The following KMT2D variants were observed in gnomAD, a reference collection of about 807,000 sequenced individuals.
KMT2D encodes histone-lysine N-methyltransferase 2D.
A neutral mutation model predicts 512.7 loss-of-function variants in KMT2D; 55 were observed. The observed-to-expected ratio is 0.11, with a 90% confidence interval of 0.09 to 0.13. The LOEUF is 0.13. KMT2D is among the 10% of genes least tolerant of loss of function. The pLI is 1.00. For synonymous variants in KMT2D, 2,995 were observed against 2,904.0 expected, an observed-to-expected ratio of 1.03 and a Z score of -1.01; for missense variants, 6,061 against 7,127.9, an observed-to-expected ratio of 0.85 and a Z score of 5.39.
chr12:49,044,800 C>T lies in KMT2D; in HGVS notation c.4907G>A (p.Gly1636Asp), dbSNP rs2120587797. 1.2e-6 allele frequency: 2 copies of T among 1,614,056 alleles called. No homozygotes were observed. Among genetic ancestry groups the T allele is most frequent in the Non-Finnish European group, 1.7e-6 (2 of 1,179,896 alleles). ...LEGSEPSDAL[G>D]PDDKKDGDLD... ...GTCCCCATCCTTCTTGTCATCAGGGCCAAGGGCATCTGAGGGCTCAGAACC... is the reference window on the plus strand; with the variant it reads ...GTCCCCATCCTTCTTGTCATCAGGGTCAAGGGCATCTGAGGGCTCAGAACC... Residue 1636 changes from glycine to aspartate, a missense_variant, in exon 20 of 55, where the codon GGC (glycine) becomes GAC (aspartate). Coordinates refer to ENST00000301067, the MANE Select transcript of KMT2D (RefSeq NM_003482.4). This position sits in a 1 kb window ranked among gnomAD's most constrained non-coding sequence, Gnocchi z 6.4.
intron 13 of KMT2D, 99 bp downstream of exon 13, chr12:49,049,006 G>T: frequency 1.2e-6 from 1 of 810,790 alleles, no homozygotes; most frequent in Non-Finnish European, 2.1e-6. Flanking sequence ...ACAGGCCCTA[G>T]ACGAGCAGGC....
In KMT2D at chr12:49,019,038, A is replaced by G; in HGVS notation, c.*2742T>C. Reference sequence around the variant, plus strand: ...AACAAACTTGGAAGAAGCAAAATCCAAAACTTGCCCTTTGCCTCTCGCAAC... The same window carrying G: ...AACAAACTTGGAAGAAGCAAAATCCGAAACTTGCCCTTTGCCTCTCGCAAC... On this transcript the variant is annotated 3_prime_UTR_variant, in exon 55 of 55. Coordinates refer to ENST00000301067, the MANE Select transcript of KMT2D (RefSeq NM_003482.4). The G allele has an allele frequency of 7.3e-7, 1 of 1,373,708 alleles. No individual in the cohort carries two copies. Among genetic ancestry groups the G allele is most frequent in the Non-Finnish European group, 9.4e-7 (1 of 1,065,092 alleles). 85.1% of individuals were successfully genotyped at this position (1,373,708 alleles called of 1,614,324 possible).
intron 9 of KMT2D, 69 bp from the exon 10 acceptor site, chr12:49,052,778 G>A: frequency 6.3e-7 from 1 of 1,590,248 alleles, no homozygotes; most frequent in South Asian, 1.1e-5. Context: ...AGCACACTGG[G>A]GGGAGGCACG....
At position 49,045,956 on chromosome 12, in the gene KMT2D, G is replaced by T. The variant is rs2120596957; in HGVS notation, c.4705C>A (p.Pro1569Thr). Residue 1569 changes from proline to threonine, a missense_variant, in exon 19 of 55, where the codon CCT becomes ACT. By Grantham distance (38) the Pro-to-Thr change is conservative. Around this residue, in one of 16 missense-constraint regions of KMT2D, gnomAD observed 640 missense variants for 814.3 expected, o/e 0.79. Transcript: ENST00000301067. ...YVVKPVAPVA[P>T]PELVPMKVKE... ...ACCTTCATGGGCACCAGCTCTGGAG[G>T]TGCAACAGGCGCTATGGAGAGAAGG... The T allele has an allele frequency of 1.2e-6, 2 of 1,613,992 alleles. No homozygotes were observed. Among genetic ancestry groups the T allele is most frequent in the African/African-American group, 2.7e-5 (2 of 75,046 alleles).
In KMT2D at chr12:49,037,554, C is replaced by A. The variant is rs2120481666; in HGVS notation, c.9802G>T (p.Ala3268Ser). The A allele has an allele frequency of 1.9e-6, 3 of 1,553,812 alleles. No homozygotes were observed. The highest frequency in any genetic ancestry group is 2.6e-6 in the Non-Finnish European group (3 of 1,148,338). The change falls in exon 35 of 55, where the codon GCA (alanine) becomes TCA (serine). Residue 3268 changes from alanine to serine, a missense_variant. By Grantham distance (99) the Ala-to-Ser change is moderately conservative. Around this residue, in one of 16 missense-constraint regions of KMT2D, gnomAD observed 533 missense variants for 539.6 expected, o/e 0.99. Transcript: ENST00000301067. ...KELQKKQQLS[A>S]QLQPAQQQQQ... ...TGCTGCTGGGCAGGCTGCAACTGTG[C>A]TGAAAGCTGCTGCTTCTTCTGCAGC...
rs2120545862 is a variant in KMT2D, at chr12:49,041,364, A to G, written c.6406T>C (p.Ser2136Pro). 1.3e-6 allele frequency: 2 copies of G among 1,584,660 alleles called. No individual in the cohort carries two copies. The highest frequency in any genetic ancestry group is 1.7e-6 in the Non-Finnish European group (2 of 1,165,426). ...TTCAGGAACCCGTCCGCAGAGGTAG[A>G]CAAGCCGGCGGGGGTAGTGGGGCTG... ...IGSPTTPAGL[S>P]TSADGFLKPP... The change falls in exon 32 of 55, where the codon TCT (serine) becomes CCT (proline). Residue 2136 changes from serine (S) to proline (P), a missense_variant. Physicochemically the swap from Ser to Pro is moderately conservative, Grantham distance 74. This residue lies in a region of KMT2D where 710 missense variants were observed against 647.3 expected (regional missense o/e 1.10). Coordinates refer to ENST00000301067, the MANE Select transcript of KMT2D (RefSeq NM_003482.4). This position sits in a 1 kb window ranked among gnomAD's most constrained non-coding sequence, Gnocchi z 5.4.
chr12:49,038,092 C>T lies in KMT2D; in HGVS notation c.9264G>A (p.Gly3088=), dbSNP rs1449761239. The T allele has an allele frequency of 1.9e-6, 3 of 1,613,824 alleles. No individual in the cohort carries two copies. The highest frequency in any genetic ancestry group is 1.7e-5 in the Admixed American group (1 of 60,016). ...EKAEREALLR[G]VEPGPLGPEE... ...CAGGGCCCAAGGGTCCTGGCTCCAC[C>T]CCCCGCAGCAGGGCCTCCCGTTCAG... Residue 3088 remains glycine (G), a synonymous_variant, in exon 35 of 55, where the codon GGG becomes GGA. Transcript: ENST00000301067. The surrounding 1 kb of genome is among the most constrained non-coding windows in gnomAD (Gnocchi z 5.7).
intron 2 of KMT2D, 108 bp from the exon 3 acceptor site, chr12:49,055,134 A>G: frequency 2.6e-6 from 4 of 1,556,464 alleles, no homozygotes; most frequent in Middle Eastern, 1.7e-4. Context: ...CAGAGTGATG[A>G]TATTTCAACT....
intron 35 of KMT2D, 92 bp downstream of exon 35, chr12:49,037,033 T>C (rs1483777765): frequency 8.3e-5 from 121 of 1,456,748 alleles, no homozygotes; most frequent in Admixed American, 2.5e-5. Context: ...CCATCTTAAG[T>C]AGGGATTATC....
In KMT2D at chr12:49,032,130, G is replaced by A. The variant is rs754056534; in HGVS notation, c.12575C>T (p.Pro4192Leu). 3 of 1,613,842 alleles carry A rather than the reference G, an allele frequency of 1.9e-6. No individual in the cohort carries two copies. The highest frequency in any genetic ancestry group is 4.5e-5 in the East Asian group (2 of 44,882). Residue 4192 changes from proline to leucine, a missense_variant, in exon 40 of 55, where the codon CCT (proline) becomes CTT (leucine). By Grantham distance (98) the Pro-to-Leu change is moderately conservative. Around this residue, in one of 16 missense-constraint regions of KMT2D, gnomAD observed 1,600 missense variants for 1,754.9 expected, o/e 0.91. Transcript: ENST00000301067. Reference sequence around the variant, plus strand: ...CTGTGCTCGAAGCTGACCCACCGTAGGCATGATTCCAACCCCAGGCAGACC... The same window carrying A: ...CTGTGCTCGAAGCTGACCCACCGTAAGCATGATTCCAACCCCAGGCAGACC... ...GQGLPGVGIM[P>L]TVGQLRAQLQ...
chr12:49,055,661 A>G (rs1938365108), intron 1 of KMT2D, among the ~76,000 whole-genome samples: 1 of 152,150 alleles, frequency 6.6e-6, no homozygotes, highest in Non-Finnish European at 1.5e-5. Flanking sequence ...AAGCATATCC[A>G]TTTGTATCTA....
chr12:49,048,874 T>G (rs1937726398), intron 13 of KMT2D, 105 bp from the exon 14 acceptor site: 2 of 810,834 alleles, frequency 2.5e-6, no homozygotes, highest in Non-Finnish European at 4.1e-6. Context: ...TTGGTTAAGA[T>G]GAAGGCCAAA....
Position 49,044,682 on chromosome 12 carries a change from C to A in KMT2D, c.4963+62G>T. The stretch of plus-strand genomic sequence containing the variant: ...GAGTGGCAATGTAGCCCCCACCCAA[C>A]ATCCCACTCCCAGAGTCACGCTCCC... On this transcript the variant is annotated intron_variant, in intron 20 of 54. Coordinates refer to ENST00000301067, the MANE Select transcript of KMT2D (RefSeq NM_003482.4). The surrounding 1 kb of genome is among the most constrained non-coding windows in gnomAD (Gnocchi z 6.4). The A allele has an allele frequency of 2.6e-6, 4 of 1,565,114 alleles. No homozygotes were observed. Among genetic ancestry groups the A allele is most frequent in the Non-Finnish European group, 3.5e-6 (4 of 1,142,164 alleles).
rs746100709 is a variant in KMT2D, at chr12:49,042,899, C to T, written c.5645-21G>A. ...CAGTTCTGTGGGGGAATGAAGGACACTGTTGAGGAAGACTGGGAAGTTCAG... is the reference window on the plus strand; with the variant it reads ...CAGTTCTGTGGGGGAATGAAGGACATTGTTGAGGAAGACTGGGAAGTTCAG... On this transcript the variant is annotated intron_variant, in intron 26 of 54. Coordinates refer to ENST00000301067, the MANE Select transcript of KMT2D (RefSeq NM_003482.4). The surrounding 1 kb of genome is among the most constrained non-coding windows in gnomAD (Gnocchi z 4.4). 2 of 1,613,448 alleles carry T rather than the reference C, an allele frequency of 1.2e-6. No individual in the cohort carries two copies. The highest frequency in any genetic ancestry group is 1.7e-6 in the Non-Finnish European group (2 of 1,179,566).
At chr12:49,023,827 C>T (rs757986078) in intron 51 of KMT2D, among the ~76,000 whole-genome samples, 3 of 152,188 alleles carry the variant, frequency 2.0e-5, no homozygotes, top group Non-Finnish European at 4.4e-5. Flanking sequence ...TGACATTCTA[C>T]AACAGCCTAG....
chr12:49,052,826 T>A, intron 9 of KMT2D, 89 bp downstream of exon 9: 2 of 1,589,918 alleles, frequency 1.3e-6, no homozygotes, highest in Non-Finnish European at 1.7e-6. Context: ...AGGGCTCTCC[T>A]CTCAAAGTCC....
Position 49,041,974 on chromosome 12 carries a change from G to C in KMT2D, c.6126C>G (p.Cys2042Trp). Residue 2042 changes from cysteine to tryptophan, a missense_variant, in exon 30 of 55, where the codon TGC becomes TGG. Physicochemically the swap from Cys to Trp is radical, Grantham distance 215. Around this residue, in one of 16 missense-constraint regions of KMT2D, gnomAD observed 640 missense variants for 814.3 expected, o/e 0.79. Coordinates refer to ENST00000301067, the MANE Select transcript of KMT2D (RefSeq NM_003482.4). The surrounding 1 kb of genome is among the most constrained non-coding windows in gnomAD (Gnocchi z 5.4). ...KQDYPDWSSRCKQIMKLWRKV... is the reference protein window; with the variant it reads ...KQDYPDWSSRWKQIMKLWRKV... ...TTCTCCAGAGCTTCATGATTTGTTTGCAACGGCTTGACCAGTCTGGAGGGC... is the reference window on the plus strand; with the variant it reads ...TTCTCCAGAGCTTCATGATTTGTTTCCAACGGCTTGACCAGTCTGGAGGGC... The C allele has an allele frequency of 1.2e-6, 2 of 1,611,946 alleles. No homozygotes were observed. The highest frequency in any genetic ancestry group is 8.5e-7 in the Non-Finnish European group (1 of 1,179,028).
intron 54 of KMT2D, 50 bp downstream of exon 54, chr12:49,021,993 T>A: frequency 6.4e-7 from 1 of 1,572,784 alleles, no homozygotes; most frequent in Non-Finnish European, 8.8e-7. Flanking sequence ...AGAGAAGGGG[T>A]GAAAGGAGGA....
chr12:49,027,039 G>A lies in KMT2D; in HGVS notation c.14927C>T (p.Pro4976Leu), dbSNP rs757859130. The part of the protein sequence containing the change: ...RPPEEGEDSR[P>L]PRLKKWKGVR... ...TCCTTTCCATTTCTTGAGGCGAGGA[G>A]GACGGGAATCTTCACCTTCTTCAGG... Residue 4976 changes from proline (P) to leucine (L), a missense_variant, in exon 49 of 55, where the codon CCT (proline) becomes CTT (leucine). Transcript: ENST00000301067. 6.2e-7 allele frequency: 1 copy of A among 1,614,010 alleles called. No individual in the cohort carries two copies. Among genetic ancestry groups the A allele is most frequent in the South Asian group, 1.1e-5 (1 of 91,088 alleles).
Sources: gnomAD v4.1 joint callset for allele counts (sites outside exome capture counted in the v4.1 genomes callset) on GRCh38, gnomAD v4.1.1 for gene constraint, gnomAD v4.1.1 regional missense constraint, Gnocchi (gnomAD v3.1) non-coding constraint, MANE v1.5 for transcripts, NCBI Gene and HGNC (gene_info 2026-07-23, HGNC 2026-07-21) for gene names.